Variants in SHISA9 observed in about 807,000 individuals in gnomAD.
SHISA9 encodes shisa family member 9.
SHISA9 carries 13 observed loss-of-function variants against 38.0 expected under a neutral mutation model. The ratio of observed to expected loss-of-function variants is 0.34; its 90% confidence interval spans 0.22 to 0.54. SHISA9 has a LOEUF of 0.54. Among genes scored for constraint, SHISA9 ranks in the 20% least tolerant of loss-of-function variants. SHISA9 has a pLI of 0.91. For missense variants in SHISA9, 538 were observed against 575.8 expected (o/e 0.93, Z 0.67); for synonymous variants, 275 against 242.0 (o/e 1.14, Z -1.27).
chr16:13,280,306 C>T, the SHISA9 span, among the ~76,000 whole-genome samples: 4 of 151,388 alleles, frequency 2.6e-5, no homozygotes, highest in Non-Finnish European at 5.9e-5. Context: ...CCTCATTATG[C>T]TTTTATATTA....
the SHISA9 span, among the ~76,000 whole-genome samples, chr16:13,256,702 TAAC>T: frequency 6.6e-6 from 1 of 152,240 alleles, no homozygotes; most frequent in South Asian, 2.1e-4. Context: ...AGGCAATTGA[TAAC>T]TCACACTTGA....
the SHISA9 span, among the ~76,000 whole-genome samples, chr16:13,493,140 T>G: frequency 6.6e-6 from 1 of 152,030 alleles, no homozygotes; most frequent in Non-Finnish European, 1.5e-5. Flanking sequence ...TAACAGGTGC[T>G]CAGAAACTGG....
the SHISA9 span, among the ~76,000 whole-genome samples, chr16:13,432,709 G>C: frequency 6.6e-6 from 1 of 152,220 alleles, no homozygotes; most frequent in East Asian, 1.9e-4. Flanking sequence ...TTGGTATCAA[G>C]ATGTTAACAG....
chr16:13,252,248 G>C, the SHISA9 span, among the ~76,000 whole-genome samples: 1 of 152,140 alleles, frequency 6.6e-6, no homozygotes, highest in Non-Finnish European at 1.5e-5. Context: ...AATGCCCCAA[G>C]AATGTGCTCA....
At chr16:13,244,332 G>T (rs533160418), downstream of SHISA9, among the ~76,000 whole-genome samples, 11 of 152,252 alleles carry the variant, frequency 7.2e-5, no homozygotes, top group Admixed American at 4.6e-4. Flanking sequence ...GTCCACTTAT[G>T]TGTGAATTTT....
At chr16:13,375,681 A>G in the SHISA9 span, among the ~76,000 whole-genome samples, 1 of 152,076 alleles carries the variant, frequency 6.6e-6, no homozygotes, top group Admixed American at 6.5e-5. Context: ...GCCAAAAAAC[A>G]AAAAAACAAA....
chr16:13,145,914 G>A (rs890060638), intron 2 of SHISA9, among the ~76,000 whole-genome samples: 2 of 152,224 alleles, frequency 1.3e-5, no homozygotes, highest in African/African-American at 2.4e-5. Context: ...AGGGCTGGGC[G>A]AGGTGGCTCG....
the SHISA9 span, among the ~76,000 whole-genome samples, chr16:13,276,808 C>T: frequency 5.9e-5 from 9 of 151,754 alleles, no homozygotes; most frequent in Admixed American, 2.0e-4. Flanking sequence ...TTGTAGATTC[C>T]GGATATTAGT....
At chr16:13,169,778 A>C (rs1346134178) in intron 2 of SHISA9, among the ~76,000 whole-genome samples, 3 of 152,166 alleles carry the variant, frequency 2.0e-5, no homozygotes, top group East Asian at 3.9e-4. Flanking sequence ...CTATGGGTGG[A>C]AATGTATGCT....
At chr16:13,327,178 T>C in the SHISA9 span, among the ~76,000 whole-genome samples, 1 of 152,228 alleles carries the variant, frequency 6.6e-6, no homozygotes, top group African/African-American at 2.4e-5. Context: ...GCCAGAGTCC[T>C]ACCAGCCTTT....
chr16:12,908,534 C>A (rs1352261527), intron 1 of SHISA9: 16 of 1,552,006 alleles, frequency 1.0e-5, no homozygotes, highest in Non-Finnish European at 1.4e-5. Context: ...AGAGGACGAA[C>A]CTGCCCCTGG....
the SHISA9 span, among the ~76,000 whole-genome samples, chr16:13,493,558 C>A: frequency 6.6e-6 from 1 of 152,156 alleles, no homozygotes; most frequent in Admixed American, 6.5e-5. Context: ...GGTCATGGCT[C>A]TTTTATTGAC....
At chr16:12,944,759 C>G (rs1028820483) in intron 2 of SHISA9, among the ~76,000 whole-genome samples, 1 of 152,060 alleles carries the variant, frequency 6.6e-6, no homozygotes, top group South Asian at 2.1e-4. Context: ...TTTGGAAAAA[C>G]GTAGGAATTT....
chr16:12,909,124 AC>A (rs1402937578), intron 1 of SHISA9: 1 of 985,730 alleles, frequency 1.0e-6, no homozygotes, highest in African/African-American at 1.7e-5. Flanking sequence ...GCATGCATCT[AC>A]TGTTGGCCAC....
At chr16:13,433,771 G>A in the SHISA9 span, among the ~76,000 whole-genome samples, 1 of 152,186 alleles carries the variant, frequency 6.6e-6, no homozygotes, top group East Asian at 1.9e-4. Context: ...TTGGAGGAAG[G>A]ATTTGTCCAC....
intron 3 of SHISA9, among the ~76,000 whole-genome samples, chr16:13,209,815 C>T (rs2051100382): frequency 1.3e-5 from 2 of 152,150 alleles, no homozygotes; most frequent in East Asian, 1.9e-4. Context: ...ATGAAAATAT[C>T]CCTAGGCCGG....
chr16:12,923,293 G>A (rs1208391263), intron 2 of SHISA9, among the ~76,000 whole-genome samples: 3 of 152,220 alleles, frequency 2.0e-5, no homozygotes, highest in African/African-American at 4.8e-5. Flanking sequence ...ACTTTGGGAG[G>A]CCAAAGCAGC....
the SHISA9 span, among the ~76,000 whole-genome samples, chr16:13,307,147 A>AGCACAGTT: frequency 6.6e-6 from 1 of 152,234 alleles, no homozygotes; most frequent in Admixed American, 6.5e-5. Flanking sequence ...ACTGCTCCAA[A>AGCACAGTT]GCACAGTTTC....
chr16:13,472,406 T>G, the SHISA9 span, among the ~76,000 whole-genome samples: 3 of 138,478 alleles, frequency 2.2e-5, no homozygotes, highest in African/African-American at 8.6e-5. Flanking sequence ...TTTTTTTTTT[T>G]TTTGAGACGG....
Sources: gnomAD v4.1 joint callset for allele counts (sites outside exome capture counted in the v4.1 genomes callset) on GRCh38, gnomAD v4.1.1 for gene constraint, MANE v1.5 for transcripts, NCBI Gene and HGNC (gene_info 2026-07-23, HGNC 2026-07-21) for gene names.